Variants in C6orf132 observed in about 807,000 individuals in gnomAD.
The protein encoded by C6orf132 is uncharacterized protein C6orf132.
C6orf132 carries 43 observed loss-of-function variants against 65.3 expected under a neutral mutation model. The ratio of observed to expected loss-of-function variants is 0.66; its 90% confidence interval spans 0.52 to 0.85. The LOEUF (loss-of-function observed/expected upper bound fraction) is 0.85, where lower values mean the gene tolerates loss of function less well. Ranked by LOEUF, C6orf132 falls within the 40% of genes least tolerant of loss-of-function variation. C6orf132 has a pLI of 0.00. For missense variants in C6orf132, 1,488 were observed against 1,548.8 expected, an observed-to-expected ratio of 0.96 and a Z score of 0.66; for synonymous variants, 631 against 654.1, an observed-to-expected ratio of 0.96 and a Z score of 0.54.
rs1354519424 is a variant in C6orf132, at chr6:42,104,593, C to T, written c.3319G>A (p.Ala1107Thr). 7 of 1,334,122 alleles carry T rather than the reference C, an allele frequency of 5.2e-6. No homozygotes were observed. The South Asian group carries it at 7.9e-5, about 15-fold the overall frequency. The allele number at this position is 1,334,122 out of a possible 1,614,324, so 82.6% of individuals were successfully genotyped here. A position where few individuals can be genotyped will look rare whatever the true frequency, so the allele number is the denominator to read the frequency against. ...AGGCCTCCGGGGGGCGCGCGACCCGCCGAGTTCACGCGCCGCATCTCGGGG... is the reference window on the plus strand; with the variant it reads ...AGGCCTCCGGGGGGCGCGCGACCCGTCGAGTTCACGCGCCGCATCTCGGGG... ...GGPEMRRVNSAGRAPPGGLHA... is the reference protein window; with the variant it reads ...GGPEMRRVNSTGRAPPGGLHA... Residue 1107 changes from alanine (A) to threonine (T), a missense_variant, in exon 4 of 5, where the codon GCG becomes ACG. By Grantham distance (58) the Ala-to-Thr change is moderately conservative. Coordinates refer to ENST00000341865, the MANE Select transcript of C6orf132 (RefSeq NM_001164446.3). The surrounding 1 kb of genome is among the most constrained non-coding windows in gnomAD (Gnocchi z 4.1).
Position 42,110,223 on chromosome 6 carries a change from T to C in C6orf132, c.321A>G (p.Glu107=). ...AGCCCAGGGTTCACTTACCTGTCAC[T>C]TCTTTGTCTGCAAAATCATCTGGAA... The part of the protein sequence containing the change: ...PSVPDDFADK[E]VTGTSSLVNG... The change falls in exon 3 of 5, where the codon GAA becomes GAG. Residue 107 remains glutamate, a synonymous_variant. Coordinates refer to ENST00000341865, the MANE Select transcript of C6orf132 (RefSeq NM_001164446.3). The C allele has an allele frequency of 6.5e-7, 1 of 1,548,866 alleles. No individual in the cohort carries two copies. Among genetic ancestry groups the C allele is most frequent in the Non-Finnish European group, 8.7e-7 (1 of 1,145,920 alleles).
At position 42,142,286 on chromosome 6, in the gene C6orf132, C is replaced by G; in HGVS notation, c.145+14G>C. On this transcript the variant is annotated intron_variant, in intron 1 of 4. Coordinates refer to ENST00000341865, the MANE Select transcript of C6orf132 (RefSeq NM_001164446.3). ...CGTCCCCGCCCCAGCGCCCTCCGTCCCCGGAGTACTCACCGAAGCCCCCGG... is the reference window on the plus strand; with the variant it reads ...CGTCCCCGCCCCAGCGCCCTCCGTCGCCGGAGTACTCACCGAAGCCCCCGG... The G allele has an allele frequency of 6.5e-7, 1 of 1,548,430 alleles. No individual in the cohort carries two copies.
chr6:42,141,734 G>C (rs1426900991), intron 1 of C6orf132, among the ~76,000 whole-genome samples: 2 of 152,168 alleles, frequency 1.3e-5, no homozygotes, highest in Non-Finnish European at 2.9e-5. Context: ...TGGTAACCTG[G>C]TAGCAGCTGC....
At chr6:42,119,275 A>AAAAAAAAAAG (rs1562037439) in intron 2 of C6orf132, among the ~76,000 whole-genome samples, 2 of 128,090 alleles carry the variant, frequency 1.6e-5, no homozygotes, top group African/African-American at 2.9e-5. Context: ...AAAAAAAAAA[A>AAAAAAAAAAG]GGGAGAATTC....
chr6:42,107,336 TG>T lies in C6orf132; in HGVS notation c.575del (p.Pro192GlnfsTer33). Reference sequence around the variant, plus strand: ...GTGGTGGGGATAGGGCCTCCAATACTGGGGGTGGAGGTGGGGCCATGCTGGG... The same window carrying T: ...GTGGTGGGGATAGGGCCTCCAATACTGGGGTGGAGGTGGGGCCATGCTGGG... ...PPPSMAPPPP[P>X]VLEALSPPHT... is the part of the protein sequence containing the mutation. On this transcript the variant is annotated frameshift_variant, in exon 4 of 5. Coordinates refer to ENST00000341865, the MANE Select transcript of C6orf132 (RefSeq NM_001164446.3). LOFTEE classifies it high-confidence loss of function. 3.3e-6 allele frequency: 2 copies of T among 612,104 alleles called. No individual in the cohort carries two copies. The highest frequency in any genetic ancestry group is 6.4e-5 in the African/African-American group (1 of 15,740). 37.9% of individuals were successfully genotyped at this position (612,104 alleles called of 1,614,324 possible).
In C6orf132 at chr6:42,106,408, C is replaced by G. The variant is rs1766408147; in HGVS notation, c.1504G>C (p.Glu502Gln). ...GGCAGGCGGGGGCCCTTCTTGCCCT[C>G]CTTGCTCTGAGGGGCCACTGTTGGG... ...PGPTVAPQSK[E>Q]GKKGPRLPEK... Residue 502 changes from glutamate (E) to glutamine (Q), a missense_variant, in exon 4 of 5, where the codon GAG becomes CAG. Transcript: ENST00000341865. The G allele has an allele frequency of 4.6e-6, 7 of 1,535,962 alleles. No individual in the cohort carries two copies. The Admixed American group carries it at 7.8e-5, about 17-fold the overall frequency.
At chr6:42,130,148 C>T (rs75797005) in intron 1 of C6orf132, among the ~76,000 whole-genome samples, 9,847 of 152,288 alleles carry the variant, frequency 0.065, 408 homozygotes, top group Middle Eastern at 0.12. Context: ...AGCTTCTCCA[C>T]GTCTCAAAAG....
chr6:42,123,602 G>GAAGGAA (rs1562038814), intron 2 of C6orf132, among the ~76,000 whole-genome samples: 5 of 149,146 alleles, frequency 3.4e-5, no homozygotes, highest in African/African-American at 1.3e-4. Context: ...GAAGAAAGAA[G>GAAGGAA]GAAGAAGAAG....
intron 1 of C6orf132, among the ~76,000 whole-genome samples, chr6:42,135,818 C>A (rs2127479993): frequency 6.6e-6 from 1 of 152,340 alleles, no homozygotes; most frequent in East Asian, 1.9e-4. Context: ...GTTGAGGAAA[C>A]TGAGGCTCAG....
chr6:42,103,382 C>T lies in C6orf132; in HGVS notation c.*379G>A. ...GATGGGTTCCAGTTCAGTCAGTGCC[C>T]CACCCCTTGCTTTCAGAACCTGCTC... On this transcript the variant is annotated 3_prime_UTR_variant, in exon 5 of 5. Coordinates refer to ENST00000341865, the MANE Select transcript of C6orf132 (RefSeq NM_001164446.3). The T allele has an allele frequency of 2.5e-6, 1 of 396,968 alleles. No homozygotes were observed. The highest frequency in any genetic ancestry group is 4.4e-6 in the Non-Finnish European group (1 of 225,624). The allele number at this position is 396,968 out of a possible 1,614,324, so 24.6% of individuals were successfully genotyped here. A position where few individuals can be genotyped will look rare whatever the true frequency, so the allele number is the denominator to read the frequency against.
intron 1 of C6orf132, 135 bp from the exon 2 acceptor site, chr6:42,128,913 G>T (rs927253204): frequency 7.8e-6 from 5 of 642,310 alleles, no homozygotes; most frequent in South Asian, 1.8e-5. Flanking sequence ...TCAGCTAAGC[G>T]CCTCTAACAT....
intron 2 of C6orf132, among the ~76,000 whole-genome samples, chr6:42,114,476 T>C (rs1187945817): frequency 1.3e-5 from 2 of 152,332 alleles, no homozygotes; most frequent in East Asian, 3.9e-4. Context: ...TCCCTTTCAC[T>C]GATGTTTTTT....
Position 42,106,086 on chromosome 6 carries a change from T to G in C6orf132, c.1826A>C (p.Lys609Thr). 2.6e-6 allele frequency: 4 copies of G among 1,537,180 alleles called. No individual in the cohort carries two copies. Among genetic ancestry groups the G allele is most frequent in the Non-Finnish European group, 3.5e-6 (4 of 1,146,890 alleles). ...ATTCTTGGCCACAGGCTTGGAGAGTTTGTCATCATCAGCCCCGTTTTCACA... is the reference window on the plus strand; with the variant it reads ...ATTCTTGGCCACAGGCTTGGAGAGTGTGTCATCATCAGCCCCGTTTTCACA... The part of the protein sequence containing the change: ...RICENGADDD[K>T]LSKPVAKNLP... The change falls in exon 4 of 5, where the codon AAA becomes ACA. Residue 609 changes from lysine (K) to threonine (T), a missense_variant. By Grantham distance (78) the Lys-to-Thr change is moderately conservative. Transcript: ENST00000341865.
At position 42,106,886 on chromosome 6, in the gene C6orf132, G is replaced by A; in HGVS notation, c.1026C>T (p.Pro342=). 2.6e-6 allele frequency: 4 copies of A among 1,535,698 alleles called. No homozygotes were observed. Among genetic ancestry groups the A allele is most frequent in the Admixed American group, 2.0e-5 (1 of 50,954 alleles). ...GGGAGGCGGGGCGGATGTGGAAGCT[G>A]GGAGGCAGTGGGAGTCGGCTGGGAG... is the stretch of plus-strand genomic sequence containing the variant. ...KKAPSRLPLP[P]SFHIRPASQV... The change falls in exon 4 of 5, where the codon CCC becomes CCT. Residue 342 remains proline, a synonymous_variant. Transcript: ENST00000341865.
intron 1 of C6orf132, among the ~76,000 whole-genome samples, chr6:42,133,300 C>T (rs1766883648): frequency 6.6e-6 from 1 of 152,264 alleles, no homozygotes; most frequent in Non-Finnish European, 1.5e-5. Flanking sequence ...CGGAACAAGA[C>T]TGCAGTGAGA....
chr6:42,123,569 G>GAAGAAAGAAGA (rs1766722768), intron 2 of C6orf132, among the ~76,000 whole-genome samples: 1 of 150,070 alleles, frequency 6.7e-6, no homozygotes, highest in African/African-American at 2.5e-5. Context: ...AGAAGAAGAA[G>GAAGAAAGAAGA]AAGAAGAAAG....
intron 1 of C6orf132, among the ~76,000 whole-genome samples, chr6:42,134,889 T>C (rs1310570615): frequency 6.6e-6 from 1 of 151,408 alleles, no homozygotes; most frequent in African/African-American, 2.4e-5. Context: ...CTACTCAGGA[T>C]ACTCGGGAGG....
At chr6:42,115,022 C>T (rs13213555) in intron 2 of C6orf132, among the ~76,000 whole-genome samples, 26,569 of 130,558 alleles carry the variant, frequency 0.2, 3,239 homozygotes, top group Non-Finnish European at 0.29. Flanking sequence ...AAAAAAAAGC[C>T]GGGCATGGTG....
chr6:42,108,391 A>G (rs1183989900), intron 3 of C6orf132, among the ~76,000 whole-genome samples: 1 of 152,184 alleles, frequency 6.6e-6, no homozygotes, highest in Non-Finnish European at 1.5e-5. Flanking sequence ...GCATTTAATA[A>G]AATGGAACCA....
Sources: allele counts gnomAD v4.1 joint callset (sites outside exome capture counted in the v4.1 genomes callset), GRCh38; gene constraint gnomAD v4.1.1; non-coding constraint Gnocchi (gnomAD v3.1); transcripts MANE v1.5; gene names NCBI Gene and HGNC (gene_info 2026-07-23, HGNC 2026-07-21).